The following HIVEP3 variants were observed in gnomAD, a reference collection of about 807,000 sequenced individuals.
HIVEP3 encodes HIVEP zinc finger 3.
In HIVEP3, 49 loss-of-function variants were observed where a neutral mutation model predicts 152.8. The observed-to-expected ratio is 0.32, with a 90% CI of 0.26 to 0.41. The LOEUF (loss-of-function observed/expected upper bound fraction) is 0.41. Among genes scored for constraint, HIVEP3 ranks in the 10% least tolerant of loss-of-function variants. The probability of loss-of-function intolerance (pLI) is 1.00; values close to 1 mark genes in which losing one functional copy is unlikely to be tolerated. For synonymous variants in HIVEP3, 1,269 were observed against 1,289.0 expected, an observed-to-expected ratio of 0.98 and a Z score of 0.33; for missense variants, 2,790 against 3,103.3, an observed-to-expected ratio of 0.90 and a Z score of 2.40.
At chr1:41,737,288 A>G (rs1646932531) in intron 1 of HIVEP3, among the ~76,000 whole-genome samples, 1 of 152,142 alleles carries the variant, frequency 6.6e-6, no homozygotes, top group Non-Finnish European at 1.5e-5. Flanking sequence ...ACTGATTAAG[A>G]TACTGTGTGT....
At chr1:41,869,444 G>A (rs1644039062) in intron 1 of HIVEP3, 1 of 152,288 alleles carries the variant, frequency 6.6e-6, no homozygotes, top group African/African-American at 2.4e-5. Flanking sequence ...AGTGCCCAGT[G>A]AGGAGATGAC....
chr1:41,759,357 T>G (rs1406775811), intron 1 of HIVEP3, among the ~76,000 whole-genome samples: 1 of 152,120 alleles, frequency 6.6e-6, no homozygotes, highest in Non-Finnish European at 1.5e-5. Flanking sequence ...CAGAATTTCA[T>G]CCATTTTTAT....
intron 3 of HIVEP3, among the ~76,000 whole-genome samples, chr1:41,604,337 T>C (rs1159124358): frequency 1.3e-5 from 2 of 152,126 alleles, no homozygotes; most frequent in African/African-American, 4.8e-5. Context: ...CAATTATACA[T>C]AGTAATAAAA....
In HIVEP3 at chr1:41,544,933, C is replaced by CCACCACCACCACCATCACCACCATCAT. The variant is rs1643680530; in HGVS notation, c.5208-20024_5208-20023insATGATGGTGGTGATGGTGGTGGTGGTG. Among the ~76,000 whole-genome samples the CCACCACCACCACCATCACCACCATCAT allele has an allele frequency of 1.9e-4, 2 of 10,344 alleles. 1 individual carries two copies. 6.8% of individuals were successfully genotyped at this position (10,344 alleles called of 152,430 possible). On this transcript the variant is annotated intron_variant, in intron 5 of 8. Coordinates refer to ENST00000372583, the MANE Select transcript of HIVEP3 (RefSeq NM_024503.5). ...ACTACCACCTCTACCACCACCATCA[C>CCACCACCACCACCATCACCACCATCAT]CACCACCACCACTACCACCTCTACC...
At chr1:41,940,663 G>A (rs1054928597) in intron 1 of HIVEP3, among the ~76,000 whole-genome samples, 16 of 152,092 alleles carry the variant, frequency 1.1e-4, no homozygotes, top group South Asian at 8.3e-4. Flanking sequence ...CAAGAAACAC[G>A]TTGTGTATAC....
chr1:41,601,989 T>A (rs1468360395), intron 3 of HIVEP3, among the ~76,000 whole-genome samples: 1 of 152,146 alleles, frequency 6.6e-6, no homozygotes, highest in Non-Finnish European at 1.5e-5. Context: ...TTTCTGCATC[T>A]GTTGAGATGC....
At chr1:41,845,672 C>T (rs1240917664) in intron 1 of HIVEP3, among the ~76,000 whole-genome samples, 1 of 152,166 alleles carries the variant, frequency 6.6e-6, no homozygotes, top group East Asian at 1.9e-4. Context: ...TCCCAGGGAA[C>T]TAGATGGCTG....
chr1:41,807,784 T>C (rs1353075354), intron 1 of HIVEP3, among the ~76,000 whole-genome samples: 1 of 152,160 alleles, frequency 6.6e-6, no homozygotes, highest in African/African-American at 2.4e-5. Context: ...ATGACGGTTG[T>C]GATGCTTGCC....
chr1:42,035,801 C>T (rs1450534327), intron 1 of HIVEP3: 1 of 151,306 alleles, frequency 6.6e-6, no homozygotes, highest in Non-Finnish European at 1.5e-5. Flanking sequence ...CCGCGGCCAG[C>T]CTTACCTGCG....
chr1:41,874,728 C>T (rs896170272), intron 1 of HIVEP3, among the ~76,000 whole-genome samples: 2 of 152,196 alleles, frequency 1.3e-5, no homozygotes, highest in Non-Finnish European at 2.9e-5. Flanking sequence ...TGGAGTCACT[C>T]AGTCCCATGG....
intron 1 of HIVEP3, among the ~76,000 whole-genome samples, chr1:41,829,669 T>A (rs1311680072): frequency 6.6e-6 from 1 of 151,766 alleles, no homozygotes; most frequent in Non-Finnish European, 1.5e-5. Context: ...ACCTAGCACA[T>A]ACAAACTGAT....
intron 1 of HIVEP3, among the ~76,000 whole-genome samples, chr1:42,011,918 T>C (rs913836275): frequency 6.6e-6 from 1 of 152,218 alleles, no homozygotes; most frequent in East Asian, 1.9e-4. Flanking sequence ...TCGCTGGTGC[T>C]GTACCATGTG....
At chr1:41,889,290 T>C (rs1259599696) in intron 1 of HIVEP3, among the ~76,000 whole-genome samples, 2 of 152,162 alleles carry the variant, frequency 1.3e-5, no homozygotes, top group African/African-American at 4.8e-5. Context: ...AAGTGTGCTT[T>C]GCATTCCAAG....
At chr1:41,682,968 C>G (rs1465422492) in intron 2 of HIVEP3, among the ~76,000 whole-genome samples, 1 of 152,120 alleles carries the variant, frequency 6.6e-6, no homozygotes, top group Non-Finnish European at 1.5e-5. Flanking sequence ...GGGGAGACAC[C>G]ATGGAAGGAA....
At chr1:41,586,930 G>T (rs1281225664) in intron 3 of HIVEP3, among the ~76,000 whole-genome samples, 1 of 151,962 alleles carries the variant, frequency 6.6e-6, no homozygotes, top group Non-Finnish European at 1.5e-5. Flanking sequence ...CAAAGAAAAT[G>T]GAAATAAGGC....
chr1:41,950,540 T>C (rs924857423), intron 1 of HIVEP3, among the ~76,000 whole-genome samples: 1 of 152,342 alleles, frequency 6.6e-6, no homozygotes, highest in East Asian at 1.9e-4. Flanking sequence ...AATAATTGCA[T>C]TTGTGCTTCT....
intron 1 of HIVEP3, among the ~76,000 whole-genome samples, chr1:41,785,852 T>C (rs1007735986): frequency 1.3e-5 from 2 of 152,140 alleles, no homozygotes; most frequent in African/African-American, 4.8e-5. Context: ...CAAAATTAGC[T>C]GGGCATGGTG....
intron 3 of HIVEP3, among the ~76,000 whole-genome samples, chr1:41,621,015 G>A (rs1645039601): frequency 6.6e-6 from 1 of 152,206 alleles, no homozygotes. Flanking sequence ...GTAATTGACA[G>A]TGTGACCCTG....
At chr1:42,028,862 T>C (rs572282380) in intron 1 of HIVEP3, among the ~76,000 whole-genome samples, 5 of 152,290 alleles carry the variant, frequency 3.3e-5, no homozygotes, top group Admixed American at 2.0e-4. Context: ...GTGGGGAATA[T>C]GGCAAACTCA....
Sources: gnomAD v4.1 joint callset for allele counts (sites outside exome capture counted in the v4.1 genomes callset) on GRCh38, gnomAD v4.1.1 for gene constraint, MANE v1.5 for transcripts, NCBI Gene and HGNC (gene_info 2026-07-23, HGNC 2026-07-21) for gene names.